The following SIN3B variants were observed in gnomAD, a reference collection of about 807,000 sequenced individuals.
SIN3B encodes the protein SIN3 transcription regulator family member B, also known as paired amphipathic helix protein Sin3b.
A neutral mutation model predicts 120.2 loss-of-function variants in SIN3B; 19 were observed. That is an observed-to-expected ratio of 0.16 (90% CI 0.11 to 0.23). SIN3B has a LOEUF of 0.23. SIN3B is among the 10% of genes least tolerant of loss of function. SIN3B has a pLI of 1.00. For missense variants in SIN3B, 1,073 were observed against 1,573.0 expected (o/e 0.68, Z 5.38); for synonymous variants, 654 against 653.2 (o/e 1.00, Z -0.02).
At chr19:16,856,906 G>A (rs911996781) in intron 8 of SIN3B, among the ~76,000 whole-genome samples, 1 of 152,038 alleles carries the variant, frequency 6.6e-6, no homozygotes, top group Admixed American at 6.6e-5. Context: ...TGCACATGGT[G>A]GGTGCACATA....
At chr19:16,835,579 GCGTGAT>G (rs1971338197) in intron 3 of SIN3B, among the ~76,000 whole-genome samples, 1 of 150,456 alleles carries the variant, frequency 6.6e-6, no homozygotes, top group South Asian at 2.1e-4. Flanking sequence ...GAGTACAATG[GCGTGAT>G]CTCAGCTCAC....
chr19:16,867,456 C>T (rs1216224407), intron 12 of SIN3B, among the ~76,000 whole-genome samples: 1 of 152,098 alleles, frequency 6.6e-6, no homozygotes, highest in Non-Finnish European at 1.5e-5. Flanking sequence ...GGAGTGCCTG[C>T]TTGCAGGATC....
Position 16,869,494 on chromosome 19 carries a change from C to A in SIN3B, c.1841C>A (p.Pro614His). ...QEQHSEGRSAPSSEPHLIFVY... is the reference protein window; with the variant it reads ...QEQHSEGRSAHSSEPHLIFVY... ...CAGCACTCGGAGGGCCGCAGTGCCC[C>A]CTCTAGCGAGCCGCACCTCATCTTT... is the stretch of plus-strand genomic sequence containing the variant. The change falls in exon 13 of 19, where the codon CCC becomes CAC. Residue 614 changes from proline to histidine, a missense_variant. By Grantham distance (77) the Pro-to-His change is moderately conservative. This residue lies in a region of SIN3B where 169 missense variants were observed against 207.3 expected (regional missense o/e 0.82). Transcript: ENST00000248054. 6.2e-7 allele frequency: 1 copy of A among 1,612,746 alleles called. No homozygotes were observed. Among genetic ancestry groups the A allele is most frequent in the African/African-American group, 1.3e-5 (1 of 75,028 alleles).
intron 8 of SIN3B, among the ~76,000 whole-genome samples, chr19:16,857,854 T>G (rs1185648789): frequency 1.3e-5 from 2 of 152,032 alleles, no homozygotes; most frequent in Non-Finnish European, 2.9e-5. Flanking sequence ...TTGCTTTGCT[T>G]CTTTTCTCTT....
chr19:16,834,141 C>G (rs1400737048), intron 3 of SIN3B, among the ~76,000 whole-genome samples: 1 of 152,132 alleles, frequency 6.6e-6, no homozygotes, highest in African/African-American at 2.4e-5. Context: ...GTGTCTTAGA[C>G]CATGAAAGCC....
chr19:16,855,377 C>CCCCG (rs1555741877), intron 8 of SIN3B: 1 of 113,072 alleles, frequency 8.8e-6, no homozygotes, highest in East Asian at 2.6e-4. Flanking sequence ...CCTTCCCCCC[C>CCCCG]CCCCCCCCAG....
intron 3 of SIN3B, among the ~76,000 whole-genome samples, chr19:16,838,568 C>A (rs1971376739): frequency 6.6e-6 from 1 of 152,142 alleles, no homozygotes; most frequent in Admixed American, 6.6e-5. Context: ...TTTCGCATGC[C>A]CACTCTTCTG....
chr19:16,835,533 T>A (rs1971337703), intron 3 of SIN3B, among the ~76,000 whole-genome samples: 1 of 149,062 alleles, frequency 6.7e-6, no homozygotes, highest in Non-Finnish European at 1.5e-5. Context: ...AATTATTTTT[T>A]AATTTTGAGA....
rs748875994 is a variant in SIN3B, at chr19:16,869,533, G to T, written c.1880G>T (p.Arg627Leu). Reference sequence around the variant, plus strand: ...CACCTCATCTTTGTGTACGAGGACCGGCAGATCCTGGAGGACGCAGCAGCG... The same window carrying T: ...CACCTCATCTTTGTGTACGAGGACCTGCAGATCCTGGAGGACGCAGCAGCG... ...EPHLIFVYEDRQILEDAAALI... is the reference protein window; with the variant it reads ...EPHLIFVYEDLQILEDAAALI... Residue 627 changes from arginine to leucine, a missense_variant, in exon 13 of 19, where the codon CGG (arginine) becomes CTG (leucine). Physicochemically the swap from Arg to Leu is moderately radical, Grantham distance 102 (BLOSUM62 -2). Around this residue, in one of 7 missense-constraint regions of SIN3B, gnomAD observed 169 missense variants for 207.3 expected, o/e 0.82. Transcript: ENST00000248054. 2.5e-6 allele frequency: 4 copies of T among 1,613,772 alleles called. No individual in the cohort carries two copies. In the Admixed American group the frequency reaches 5.0e-5, roughly 20 times the overall value.
In SIN3B at chr19:16,870,530, G is replaced by A. The variant is rs1259455942; in HGVS notation, c.2422+455G>A. Among the ~76,000 whole-genome samples, 9 of 151,290 alleles carry A rather than the reference G, an allele frequency of 5.9e-5. No homozygotes were observed. The South Asian group carries it at 6.3e-4, about 11-fold the overall frequency. Reference sequence around the variant, plus strand: ...CTCCCAAGTAGCTGGGATTACAGGCGCTCACCACCATGCCTGGCTCATTTT... The same window carrying A: ...CTCCCAAGTAGCTGGGATTACAGGCACTCACCACCATGCCTGGCTCATTTT... On this transcript the variant is annotated intron_variant, in intron 13 of 18. Transcript: ENST00000248054.
At position 16,876,924 on chromosome 19, in the gene SIN3B, TC is replaced by T. The variant is rs1011260644; in HGVS notation, c.2859+348del. 5.3e-5 allele frequency: 13 copies of T among 243,114 alleles called. No individual in the cohort carries two copies. Among genetic ancestry groups the T allele is most frequent in the Non-Finnish European group, 9.6e-5 (12 of 125,374 alleles). The allele number at this position is 243,114 out of a possible 1,614,324, so 15.1% of individuals were successfully genotyped here. A position where few individuals can be genotyped will look rare whatever the true frequency, so the allele number is the denominator to read the frequency against. On this transcript the variant is annotated intron_variant, in intron 16 of 18. Coordinates refer to ENST00000248054, the MANE Select transcript of SIN3B (RefSeq NM_001297595.2). The surrounding 1 kb of genome is among the most constrained non-coding windows in gnomAD (Gnocchi z 7.1). ...CTCTTGTGTCAGGGCTGCATCCTGT[TC>T]CTAATCCCCAGCAGAGGAGCCACCT... is the stretch of plus-strand genomic sequence containing the variant.
intron 8 of SIN3B, among the ~76,000 whole-genome samples, chr19:16,857,099 G>T (rs983285783): frequency 1.3e-5 from 2 of 152,168 alleles, no homozygotes; most frequent in African/African-American, 4.8e-5. Context: ...ATCATTTTAT[G>T]TATAGCATCC....
intron 4 of SIN3B, among the ~76,000 whole-genome samples, chr19:16,843,709 A>G (rs776801049): frequency 6.6e-6 from 1 of 152,232 alleles, no homozygotes; most frequent in Non-Finnish European, 1.5e-5. Context: ...AGACTCCTTC[A>G]GAGAGAGTGC....
chr19:16,862,568 C>T lies in SIN3B; in HGVS notation c.1266+9C>T. 1 of 1,609,688 alleles carries T rather than the reference C, an allele frequency of 6.2e-7. No individual in the cohort carries two copies. Among genetic ancestry groups the T allele is most frequent in the Non-Finnish European group, 8.5e-7 (1 of 1,178,606 alleles). ...CAGCCATCTGCAAGGAGGTAGCGCTCCCTGGGGCTCAAATGTTCGTTGACA... is the reference window on the plus strand; with the variant it reads ...CAGCCATCTGCAAGGAGGTAGCGCTTCCTGGGGCTCAAATGTTCGTTGACA... On this transcript the variant is annotated intron_variant, in intron 9 of 18. Transcript: ENST00000248054. The surrounding 1 kb of genome is among the most constrained non-coding windows in gnomAD (Gnocchi z 4.7).
At position 16,862,388 on chromosome 19, in the gene SIN3B, C is replaced by T. The variant is rs777667564; in HGVS notation, c.1095C>T (p.Phe365=). ...AACTCTTTGCACAGTTCAAGTCCTT[C>T]CTGGGGGTAAAAGAGCTGTCCTTCG... ...FPELFAQFKS[F]LGVKELSFAP... is the part of the protein sequence containing the mutation. The change falls in exon 9 of 19, where the codon TTC becomes TTT. Residue 365 remains phenylalanine (F), a synonymous_variant. Coordinates refer to ENST00000248054, the MANE Select transcript of SIN3B (RefSeq NM_001297595.2). The surrounding 1 kb of genome is among the most constrained non-coding windows in gnomAD (Gnocchi z 4.7). 18 of 1,614,084 alleles carry T rather than the reference C, an allele frequency of 1.1e-5. No homozygotes were observed. The highest frequency in any genetic ancestry group is 1.4e-5 in the Non-Finnish European group (17 of 1,180,034).
At chr19:16,858,065 CAG>C (rs1971640039) in intron 8 of SIN3B, among the ~76,000 whole-genome samples, 1 of 152,004 alleles carries the variant, frequency 6.6e-6, no homozygotes, top group Non-Finnish European at 1.5e-5. Context: ...TGAGTAGAGA[CAG>C]AGTTTCGCCA....
chr19:16,869,793 G>A lies in SIN3B; in HGVS notation c.2140G>A (p.Gly714Arg), dbSNP rs761901233. The part of the protein sequence containing the change: ...GPHSSPPEEK[G>R]AFGDAPATEQ... Reference sequence around the variant, plus strand: ...CCACAGTAGCCCCCCAGAGGAGAAGGGGGCCTTCGGGGATGCCCCGGCCAC... The same window carrying A: ...CCACAGTAGCCCCCCAGAGGAGAAGAGGGCCTTCGGGGATGCCCCGGCCAC... Residue 714 changes from glycine to arginine, a missense_variant, in exon 13 of 19, where the codon GGG becomes AGG. By Grantham distance (125) the Gly-to-Arg change is moderately radical. Around this residue, in one of 7 missense-constraint regions of SIN3B, gnomAD observed 169 missense variants for 207.3 expected, o/e 0.82. Transcript: ENST00000248054. The A allele has an allele frequency of 6.2e-7, 1 of 1,613,660 alleles. No homozygotes were observed. Among genetic ancestry groups the A allele is most frequent in the East Asian group, 2.2e-5 (1 of 44,878 alleles).
chr19:16,874,237 T>C (rs948956347), intron 14 of SIN3B, among the ~76,000 whole-genome samples: 2 of 152,266 alleles, frequency 1.3e-5, no homozygotes. Flanking sequence ...TCCGTGTCTT[T>C]TCTGTGTGTT....
chr19:16,867,516 C>T lies in SIN3B; in HGVS notation c.1806+960C>T, dbSNP rs547279756. On this transcript the variant is annotated intron_variant, in intron 12 of 18. Transcript: ENST00000248054. ...GCCGGGCGTGGTGATAGCCAGCTGT[C>T]GGGAAGGTCCTTGGACACTCTGAGG... 7.9e-5 allele frequency among the ~76,000 whole-genome samples: 12 copies of T among 152,216 alleles called. No homozygotes were observed. In the South Asian group the frequency reaches 1.0e-3, roughly 13 times the overall value.
Sources: allele counts gnomAD v4.1 joint callset (sites outside exome capture counted in the v4.1 genomes callset), GRCh38; gene constraint gnomAD v4.1.1; regional missense constraint gnomAD v4.1.1; non-coding constraint Gnocchi (gnomAD v3.1); transcripts MANE v1.5; gene names NCBI Gene and HGNC (gene_info 2026-07-23, HGNC 2026-07-21).